Variants in DOCK8 observed in about 807,000 individuals in gnomAD.
DOCK8 encodes dedicator of cytokinesis 8, also known as dedicator of cytokinesis protein 8.
In DOCK8, 141 loss-of-function variants were observed where a neutral mutation model predicts 245.6. The ratio of observed to expected loss-of-function variants is 0.57; its 90% CI spans 0.50 to 0.66. DOCK8 has a LOEUF of 0.66. Among genes scored for constraint, DOCK8 ranks in the 30% least tolerant of loss-of-function variants. The pLI is 0.00. For missense variants in DOCK8, 2,965 were observed against 2,603.4 expected (o/e 1.14, Z -3.02); for synonymous variants, 1,168 against 970.2 (o/e 1.20, Z -3.79).
upstream of DOCK8, among the ~76,000 whole-genome samples, chr9:211,423 A>G (rs1204900433): frequency 1.3e-5 from 2 of 152,158 alleles, no homozygotes; most frequent in African/African-American, 2.4e-5. Flanking sequence ...TGAGCAGAGA[A>G]GAAATATGGT....
intron 39 of DOCK8, 24 bp from the exon 40 acceptor site, chr9:439,221 G>C (rs1223374541): frequency 6.2e-7 from 1 of 1,614,006 alleles, no homozygotes; most frequent in African/African-American, 1.3e-5. Context: ...CTGTTCTCCA[G>C]GCTTATACTG....
At position 420,535 on chromosome 9, in the gene DOCK8, C is replaced by T; in HGVS notation, c.3975C>T (p.Asn1325=). The change falls in exon 31 of 48, where the codon AAC becomes AAT. Residue 1325 remains asparagine (N), a synonymous_variant. Coordinates refer to ENST00000432829, the MANE Select transcript of DOCK8 (RefSeq NM_203447.4). ...CTGACCTGCCATCAACGCAGCTCAA[C>T]AGGATTTTAGATCTACTTTTCATCT... ...WIADLPSTQL[N]RILDLLFICV... The T allele has an allele frequency of 2.5e-6, 4 of 1,614,156 alleles. No individual in the cohort carries two copies. The highest frequency in any genetic ancestry group is 3.4e-6 in the Non-Finnish European group (4 of 1,180,034).
At chr9:327,824 A>G (rs2050831528) in intron 8 of DOCK8, among the ~76,000 whole-genome samples, 198 bp from the exon 9 acceptor site, 1 of 152,230 alleles carries the variant, frequency 6.6e-6, no homozygotes, top group Non-Finnish European at 1.5e-5. Flanking sequence ...CATCTCTCAA[A>G]TGGCTCCAGA....
chr9:242,569 C>T (rs1383783741), intron 1 of DOCK8, among the ~76,000 whole-genome samples: 2 of 152,120 alleles, frequency 1.3e-5, no homozygotes, highest in East Asian at 3.8e-4. Flanking sequence ...CTTGTAATAG[C>T]CCAAAAAGTT....
intron 12 of DOCK8, 85 bp downstream of exon 12, chr9:336,803 T>G: frequency 6.5e-7 from 1 of 1,535,918 alleles, no homozygotes; most frequent in Non-Finnish European, 9.0e-7. Context: ...TACGTAGTGA[T>G]TAAGAGAGCA....
intron 10 of DOCK8, 31 bp downstream of exon 10, chr9:332,509 A>T (rs2051063211): frequency 6.7e-7 from 1 of 1,493,488 alleles, no homozygotes; most frequent in East Asian, 2.3e-5. Context: ...TTAAATGGAG[A>T]CATCTTAGAA....
intron 42 of DOCK8, among the ~76,000 whole-genome samples, chr9:443,083 T>C (rs2057143778): frequency 6.6e-6 from 1 of 152,154 alleles, no homozygotes. Context: ...TGCACTGTGA[T>C]TTGCCACAAT....
At position 464,386 on chromosome 9, in the gene DOCK8, T is replaced by A; in HGVS notation, c.*167T>A. 1.4e-6 allele frequency: 1 copy of A among 714,670 alleles called. No individual in the cohort carries two copies. 44.3% of individuals were successfully genotyped at this position (714,670 alleles called of 1,614,324 possible). A position where few individuals can be genotyped will look rare whatever the true frequency, so the allele number is the denominator to read the frequency against. On this transcript the variant is annotated 3_prime_UTR_variant, in exon 48 of 48. Transcript: ENST00000432829. ...CAGGAACCATGGAATTATTCCCAAA[T>A]GGACTCTGACCAGATTTTTGCCATA... is the stretch of plus-strand genomic sequence containing the variant.
chr9:427,499 A>G (rs967122315), intron 34 of DOCK8, among the ~76,000 whole-genome samples: 2 of 152,226 alleles, frequency 1.3e-5, no homozygotes, highest in African/African-American at 4.8e-5. Flanking sequence ...GTAGAAAAAT[A>G]TAGCTTTGTG....
rs144859275 is a variant in DOCK8 at position 379,714 on chromosome 9, C to G, written c.2441-57C>G. On this transcript the variant is annotated intron_variant, in intron 20 of 47. Coordinates refer to ENST00000432829, the MANE Select transcript of DOCK8 (RefSeq NM_203447.4). Reference sequence around the variant, plus strand: ...TGTCACTGTCCTGGAGAAACTTCCACCTCAGGCTCCTTAAGGACCAGCTGT... The same window carrying G: ...TGTCACTGTCCTGGAGAAACTTCCAGCTCAGGCTCCTTAAGGACCAGCTGT... 3.0e-4 allele frequency: 485 copies of G among 1,595,050 alleles called. 4 individuals carry two copies. The African/African-American group carries it at 6.0e-3, about 20-fold the overall frequency.
intron 14 of DOCK8, among the ~76,000 whole-genome samples, chr9:363,627 A>T (rs894324294): frequency 2.0e-5 from 3 of 152,220 alleles, no homozygotes; most frequent in Non-Finnish European, 4.4e-5. Flanking sequence ...ATTCCAGGCA[A>T]ACTCATTTAA....
At chr9:292,922 T>G (rs2049105077) in intron 4 of DOCK8, among the ~76,000 whole-genome samples, 2 of 152,200 alleles carry the variant, frequency 1.3e-5, no homozygotes, top group Admixed American at 1.3e-4. Context: ...CTTATGTGTC[T>G]CCATTTGTTT....
chr9:456,713 T>TA (rs910684868), intron 46 of DOCK8: 4 of 152,108 alleles, frequency 2.6e-5, no homozygotes, highest in African/African-American at 9.7e-5. Context: ...CCTGCAATAA[T>TA]AAAAAACATC....
chr9:414,630 G>C, intron 28 of DOCK8, 152 bp from the exon 29 acceptor site: 3 of 889,388 alleles, frequency 3.4e-6, no homozygotes, highest in East Asian at 4.8e-5. Context: ...CAGGCAGTCT[G>C]TTTCTGGATT....
intron 14 of DOCK8, among the ~76,000 whole-genome samples, chr9:361,481 G>A (rs896136673): frequency 3.9e-5 from 6 of 152,170 alleles, no homozygotes; most frequent in African/African-American, 1.4e-4. Flanking sequence ...GCATCATTGC[G>A]TTTAAGACCT....
chr9:344,057 A>G (rs993700954), intron 14 of DOCK8, among the ~76,000 whole-genome samples: 5 of 152,134 alleles, frequency 3.3e-5, no homozygotes, highest in Non-Finnish European at 5.9e-5. Flanking sequence ...ATCATGAGAA[A>G]CAGACCCACA....
intron 2 of DOCK8, chr9:273,202 G>T: frequency 3.5e-6 from 3 of 850,104 alleles, no homozygotes; most frequent in Non-Finnish European, 4.2e-6. Flanking sequence ...ATCTTTTACT[G>T]CAGGAGGTAA....
At chr9:306,400 A>T (rs1265383016) in intron 5 of DOCK8, among the ~76,000 whole-genome samples, 1 of 152,162 alleles carries the variant, frequency 6.6e-6, no homozygotes, top group Non-Finnish European at 1.5e-5. Flanking sequence ...ATTTTGACTG[A>T]ATTCCATTTT....
intron 11 of DOCK8, among the ~76,000 whole-genome samples, chr9:335,246 AT>A (rs2051255095): frequency 7.2e-6 from 1 of 138,346 alleles, no homozygotes; most frequent in African/African-American, 2.8e-5. Flanking sequence ...GATCTGAATC[AT>A]TCATTCCTAC....
Sources: gnomAD v4.1 joint callset for allele counts (sites outside exome capture counted in the v4.1 genomes callset) on GRCh38, gnomAD v4.1.1 for gene constraint, MANE v1.5 for transcripts, NCBI Gene and HGNC (gene_info 2026-07-23, HGNC 2026-07-21) for gene names.